Variants in NEBL observed in about 807,000 individuals in gnomAD.
The protein encoded by NEBL is LIM and SH3 protein 2.
NEBL carries 122 observed loss-of-function variants against 140.2 expected under a neutral mutation model. That is an observed-to-expected ratio of 0.87 (90% CI 0.75 to 1.01). The LOEUF is 1.01. Ranked by LOEUF, NEBL falls within the 50% of genes least tolerant of loss-of-function variation. The pLI, the probability that NEBL is intolerant of heterozygous loss-of-function variation, is 0.00. For missense variants in NEBL, 1,365 were observed against 1,231.3 expected, an observed-to-expected ratio of 1.11 and a Z score of -1.62; for synonymous variants, 436 against 398.9, an observed-to-expected ratio of 1.09 and a Z score of -1.11.
At chr10:20,891,673 T>C (rs1847046088) in intron 2 of NEBL, among the ~76,000 whole-genome samples, 1 of 152,206 alleles carries the variant, frequency 6.6e-6, no homozygotes, top group Admixed American at 6.5e-5. Context: ...GTCTTAATTG[T>C]AGACTCTATT....
intron 1 of NEBL, among the ~76,000 whole-genome samples, chr10:21,266,047 G>A (rs1842793323): frequency 6.6e-6 from 1 of 152,126 alleles, no homozygotes; most frequent in Admixed American, 6.6e-5. Flanking sequence ...GGCTGCCCCT[G>A]CAGACCAGTG....
chr10:21,160,350 G>C (rs1840507110), intron 2 of NEBL, among the ~76,000 whole-genome samples: 1 of 152,092 alleles, frequency 6.6e-6, no homozygotes, highest in Admixed American at 6.5e-5. Context: ...AAATAAGCCA[G>C]CTTCCTGACT....
Position 20,784,758 on chromosome 10 carries a change from A to C in NEBL, c.*989T>G, listed in dbSNP as rs547980585. 6 of 152,322 alleles carry C rather than the reference A, an allele frequency of 3.9e-5. No individual in the cohort carries two copies. In the South Asian group the frequency reaches 1.0e-3, roughly 26 times the overall value. 9.4% of individuals were successfully genotyped at this position (152,322 alleles called of 1,614,324 possible). A position where few individuals can be genotyped will look rare whatever the true frequency, so the allele number is the denominator to read the frequency against. Reference sequence around the variant, plus strand: ...GTTCAATGGAACACCTAAATCGCTTATTTACTAGAGTATACATGTTATTTC... The same window carrying C: ...GTTCAATGGAACACCTAAATCGCTTCTTTACTAGAGTATACATGTTATTTC... On this transcript the variant is annotated 3_prime_UTR_variant, in exon 28 of 28. Coordinates refer to ENST00000377122, the MANE Select transcript of NEBL (RefSeq NM_006393.3).
At chr10:21,074,939 AACTACAGGC>A (rs556618021) in intron 2 of NEBL, among the ~76,000 whole-genome samples, 136 of 151,748 alleles carry the variant, frequency 9.0e-4, no homozygotes, top group African/African-American at 3.2e-3. Context: ...GAGTAGCTGG[AACTACAGGC>A]ATGTACCACC....
At chr10:21,083,367 A>G (rs543398437) in intron 2 of NEBL, among the ~76,000 whole-genome samples, 86 of 152,258 alleles carry the variant, frequency 5.6e-4, no homozygotes, top group African/African-American at 1.5e-3. Context: ...GGCACTCATC[A>G]TGTCCCTCCA....
chr10:21,077,565 C>T (rs572992720), intron 2 of NEBL, among the ~76,000 whole-genome samples: 1 of 152,014 alleles, frequency 6.6e-6, no homozygotes, highest in South Asian at 2.1e-4. Context: ...CGAGATGGCA[C>T]CACTGCACTC....
chr10:20,888,252 A>AT, intron 3 of NEBL, 45 bp from the exon 4 acceptor site: 5 of 1,185,946 alleles, frequency 4.2e-6, no homozygotes, highest in Non-Finnish European at 5.0e-6. Context: ...ATAAACTTCC[A>AT]TTTTTTTAAA....
intron 3 of NEBL, among the ~76,000 whole-genome samples, chr10:21,215,701 T>C (rs951029856): frequency 6.6e-6 from 1 of 152,178 alleles, no homozygotes; most frequent in Admixed American, 6.5e-5. Context: ...TACTCTGTCA[T>C]CCAGTCTGGA....
chr10:20,974,640 G>T (rs978688142), intron 3 of NEBL, among the ~76,000 whole-genome samples: 2 of 152,130 alleles, frequency 1.3e-5, no homozygotes, highest in African/African-American at 2.4e-5. Flanking sequence ...TTTTTAAATT[G>T]TTCTTACATG....
At chr10:21,267,099 C>T (rs1000431582) in intron 1 of NEBL, among the ~76,000 whole-genome samples, 3 of 152,006 alleles carry the variant, frequency 2.0e-5, no homozygotes, top group Admixed American at 1.3e-4. Context: ...CTCAGCCTCC[C>T]GAGTAGATGG....
chr10:21,012,759 C>T (rs1019730681), intron 3 of NEBL, among the ~76,000 whole-genome samples: 6 of 152,118 alleles, frequency 3.9e-5, no homozygotes, highest in African/African-American at 1.4e-4. Flanking sequence ...AGACTCTGAA[C>T]CACTTACTCT....
chr10:21,272,118 ATTTTTTTTTT>A (rs10678454), intron 1 of NEBL, among the ~76,000 whole-genome samples: 1 of 79,100 alleles, frequency 1.3e-5, no homozygotes, highest in African/African-American at 5.7e-5. Flanking sequence ...CACTTGGTTA[ATTTTTTTTTT>A]TTTTTTTTTT....
intron 2 of NEBL, among the ~76,000 whole-genome samples, chr10:21,161,667 C>T (rs751859107): frequency 3.9e-4 from 59 of 152,134 alleles, no homozygotes; most frequent in Non-Finnish European, 5.0e-4. Context: ...TTCTAATCTT[C>T]CCCAACTTCT....
At position 20,840,779 on chromosome 10, in the gene NEBL, T is replaced by C. The variant is rs1378484051; in HGVS notation, c.1298A>G (p.Asp433Gly). 1 of 1,611,968 alleles carries C rather than the reference T, an allele frequency of 6.2e-7. No homozygotes were observed. Among genetic ancestry groups the C allele is most frequent in the Admixed American group, 1.7e-5 (1 of 59,938 alleles). Residue 433 changes from aspartate to glycine, a missense_variant, in exon 13 of 28, where the codon GAT becomes GGT. Around this residue, in one of 2 missense-constraint regions of NEBL, gnomAD observed 1,323 missense variants for 1,154.8 expected, o/e 1.15. Transcript: ENST00000377122. ...AGAGGCTCGCTTTGCTCTTTGGATA[T>C]CAAGAACTTCTGAATTAAGTTCCAT... ...KGMELNSEVL[D>G]IQRAKRASEM...
chr10:21,134,593 G>T (rs1477773902), intron 2 of NEBL, among the ~76,000 whole-genome samples: 1 of 152,102 alleles, frequency 6.6e-6, no homozygotes, highest in Non-Finnish European at 1.5e-5. Context: ...TCCGGATTTG[G>T]ACAAGTTTCC....
intron 3 of NEBL, among the ~76,000 whole-genome samples, chr10:20,968,034 C>T (rs1245047641): frequency 1.3e-5 from 2 of 151,930 alleles, no homozygotes; most frequent in Non-Finnish European, 2.9e-5. Flanking sequence ...TGGGTTTTTT[C>T]GTAAATGGCA....
chr10:20,782,016 T>A lies in NEBL; in HGVS notation c.*3731A>T, dbSNP rs961251960. ...TCTATCTTACAATAGGCATTTTAAA[T>A]CCCAAATCTAAAGTTAATGTTTATA... is the stretch of plus-strand genomic sequence containing the variant. On this transcript the variant is annotated 3_prime_UTR_variant, in exon 28 of 28. Coordinates refer to ENST00000377122, the MANE Select transcript of NEBL (RefSeq NM_006393.3). 1 of 152,518 alleles carries A rather than the reference T, an allele frequency of 6.6e-6. No individual in the cohort carries two copies. The allele number at this position is 152,518 out of a possible 1,614,324, so 9.4% of individuals were successfully genotyped here.
In NEBL at chr10:20,809,817, T is replaced by C; in HGVS notation, c.2600A>G (p.His867Arg). The C allele has an allele frequency of 6.2e-7, 1 of 1,608,658 alleles. No homozygotes were observed. Among genetic ancestry groups the C allele is most frequent in the Non-Finnish European group, 8.5e-7 (1 of 1,175,292 alleles). Residue 867 changes from histidine to arginine, a missense_variant, in exon 25 of 28, where the codon CAT becomes CGT. His to Arg is a conservative substitution (Grantham distance 29). This residue lies in a region of NEBL where 1,323 missense variants were observed against 1,154.8 expected (regional missense o/e 1.15). Transcript: ENST00000377122. The part of the protein sequence containing the change: ...LEDNIQSRSL[H>R]MLSEKASHYR... ...AAAGTGAGTAATACCAGAGAGCATA[T>C]GGAGACTTCTAGACTGAATATTGTC...
intron 2 of NEBL, chr10:21,029,550 T>C (rs752794334): frequency 1.2e-6 from 2 of 1,605,668 alleles, no homozygotes; most frequent in East Asian, 2.2e-5. Context: ...ATCGTTCTTT[T>C]GGCCGTGATA....
Sources: gnomAD v4.1 joint callset for allele counts (sites outside exome capture counted in the v4.1 genomes callset) on GRCh38, gnomAD v4.1.1 for gene constraint, gnomAD v4.1.1 regional missense constraint, MANE v1.5 for transcripts, NCBI Gene and HGNC (gene_info 2026-07-23, HGNC 2026-07-21) for gene names.